NCKAP5: variants seen among roughly 807,000 people sequenced by gnomAD.
The protein encoded by NCKAP5 is NCK associated protein 5, also known as nck-associated protein 5.
A neutral mutation model predicts 167.0 loss-of-function variants in NCKAP5; 92 were observed. The observed-to-expected ratio is 0.55, with a 90% CI of 0.47 to 0.66. The LOEUF (loss-of-function observed/expected upper bound fraction) is 0.66. Among genes scored for constraint, NCKAP5 ranks in the 30% least tolerant of loss-of-function variants. The probability of loss-of-function intolerance (pLI) is 0.00; values close to 1 mark genes in which losing one functional copy is unlikely to be tolerated. For synonymous variants in NCKAP5, 891 were observed against 877.4 expected, an observed-to-expected ratio of 1.02 and a Z score of -0.27; for missense variants, 2,378 against 2,315.0, an observed-to-expected ratio of 1.03 and a Z score of -0.56.
At chr2:133,408,976 G>T (rs1688614414) in intron 3 of NCKAP5, among the ~76,000 whole-genome samples, 1 of 152,158 alleles carries the variant, frequency 6.6e-6, no homozygotes, top group Admixed American at 6.5e-5. Context: ...CTATGAATGA[G>T]GAATAAATGT....
intron 11 of NCKAP5, among the ~76,000 whole-genome samples, chr2:132,810,193 G>T (rs1685755563): frequency 6.6e-6 from 1 of 151,950 alleles, no homozygotes; most frequent in Non-Finnish European, 1.5e-5. Context: ...GTTACCTGGT[G>T]CCTCTTAGGA....
In NCKAP5 at chr2:133,061,253, T is replaced by C. The variant is rs550413318; in HGVS notation, c.342-67014A>G. 2.0e-5 allele frequency among the ~76,000 whole-genome samples: 3 copies of C among 152,284 alleles called. No homozygotes were observed. In the South Asian group the frequency reaches 6.2e-4, roughly 32 times the overall value. ...CAGTGGCAGGGTTTGAGGACTGCAA[T>C]TTTGAAAGAAGTTCTACTGTAGGCA... On this transcript the variant is annotated intron_variant, in intron 6 of 19. Transcript: ENST00000409261.
intron 3 of NCKAP5, among the ~76,000 whole-genome samples, chr2:133,408,202 G>A (rs144659886): frequency 0.02 from 3,013 of 152,262 alleles, 37 homozygotes; most frequent in Non-Finnish European, 0.029. Context: ...ATGATGATGA[G>A]GAGAGGCACA....
At chr2:133,007,457 C>T (rs949972848) in intron 6 of NCKAP5, among the ~76,000 whole-genome samples, 5 of 152,090 alleles carry the variant, frequency 3.3e-5, no homozygotes, top group South Asian at 2.1e-4. Flanking sequence ...GGGTAAAGCA[C>T]CTCTCTCCAA....
intron 6 of NCKAP5, among the ~76,000 whole-genome samples, chr2:133,085,884 T>C (rs2080972765): frequency 6.6e-6 from 1 of 151,916 alleles, no homozygotes; most frequent in African/African-American, 2.4e-5. Context: ...TGAGAAAAGG[T>C]AAAGGAAGCC....
chr2:132,731,953 C>A lies in NCKAP5; in HGVS notation c.5227G>T (p.Asp1743Tyr), dbSNP rs1410538565. 2 of 1,613,892 alleles carry A rather than the reference C, an allele frequency of 1.2e-6. No individual in the cohort carries two copies. The highest frequency in any genetic ancestry group is 1.7e-6 in the Non-Finnish European group (2 of 1,179,866). ...RSTGRYLCQP[D>Y]SPEDAEPLLP... ...AGAGGCTCAGCGTCCTCTGGGGAGT[C>A]TGGCTGGCATAGGTAGCGTCCTGTC... is the stretch of plus-strand genomic sequence containing the variant. The change falls in exon 17 of 20, where the codon GAC (aspartate) becomes TAC (tyrosine). Residue 1743 changes from aspartate to tyrosine, a missense_variant. This residue lies in a region of NCKAP5 where 1,325 missense variants were observed against 1,274.5 expected (regional missense o/e 1.04). Transcript: ENST00000409261.
At chr2:132,678,985 T>C (rs1270459539) in intron 19 of NCKAP5, among the ~76,000 whole-genome samples, 1 of 152,150 alleles carries the variant, frequency 6.6e-6, no homozygotes, top group Non-Finnish European at 1.5e-5. Context: ...CTTCTGGGCG[T>C]CTATTATTGG....
chr2:132,716,581 G>A (rs1037664192), intron 19 of NCKAP5, among the ~76,000 whole-genome samples: 8 of 151,866 alleles, frequency 5.3e-5, no homozygotes, highest in African/African-American at 1.9e-4. Flanking sequence ...AACTTGAGGG[G>A]GGTAACACTG....
intron 8 of NCKAP5, among the ~76,000 whole-genome samples, chr2:132,906,605 G>T (rs2148932940): frequency 6.6e-6 from 1 of 152,292 alleles, no homozygotes; most frequent in South Asian, 2.1e-4. Flanking sequence ...TAGCTTGAGA[G>T]AGCCCAACCT....
intron 6 of NCKAP5, among the ~76,000 whole-genome samples, chr2:133,124,907 G>A (rs1975219): frequency 0.15 from 22,638 of 151,988 alleles, 1,967 homozygotes; most frequent in East Asian, 0.37. Context: ...TTAGCCAGGC[G>A]TGGTGACACG....
At position 133,337,650 on chromosome 2, in the gene NCKAP5, A is replaced by G. The variant is rs146491417; in HGVS notation, c.70-34540T>C. On this transcript the variant is annotated intron_variant, in intron 3 of 19. Transcript: ENST00000409261. ...AGACAAGTGGATGCACAGAAAGATG[A>G]CTGTGTGAACACACAGCAAGAAGGT... is the stretch of plus-strand genomic sequence containing the variant. 8.0e-4 allele frequency among the ~76,000 whole-genome samples: 122 copies of G among 152,304 alleles called. No homozygotes were observed. In the East Asian group the frequency reaches 0.015, roughly 18 times the overall value.
At chr2:132,951,278 G>T (rs923177280) in intron 8 of NCKAP5, among the ~76,000 whole-genome samples, 1 of 152,274 alleles carries the variant, frequency 6.6e-6, no homozygotes, top group East Asian at 1.9e-4. Flanking sequence ...TGTAACTAAG[G>T]CGTTCCAATT....
intron 8 of NCKAP5, among the ~76,000 whole-genome samples, chr2:132,955,764 A>C (rs767588991): frequency 3.7e-4 from 56 of 151,974 alleles, no homozygotes; most frequent in Admixed American, 1.3e-4. Context: ...ACTAATTTAC[A>C]CTCCCAAAAA....
intron 4 of NCKAP5, among the ~76,000 whole-genome samples, chr2:133,294,560 C>A (rs913342994): frequency 6.6e-6 from 1 of 152,200 alleles, no homozygotes; most frequent in Non-Finnish European, 1.5e-5. Context: ...CAAGCAATTT[C>A]TCTCTCTCAA....
intron 19 of NCKAP5, among the ~76,000 whole-genome samples, chr2:132,691,239 T>C (rs1686686239): frequency 6.6e-6 from 1 of 152,170 alleles, no homozygotes; most frequent in Non-Finnish European, 1.5e-5. Flanking sequence ...CACTCTCTCC[T>C]CCTGATAGCC....
At chr2:132,869,585 A>G (rs1690637500) in intron 9 of NCKAP5, among the ~76,000 whole-genome samples, 1 of 152,082 alleles carries the variant, frequency 6.6e-6, no homozygotes, top group East Asian at 1.9e-4. Flanking sequence ...AACAAACCCA[A>G]TCTTTTGGGG....
chr2:132,931,789 C>T (rs1402783499), intron 8 of NCKAP5, among the ~76,000 whole-genome samples: 1 of 151,970 alleles, frequency 6.6e-6, no homozygotes, highest in Admixed American at 6.6e-5. Flanking sequence ...GATTTTTTAC[C>T]CTTTCCAATT....
At chr2:133,648,112 C>A in the NCKAP5 span, among the ~76,000 whole-genome samples, 1,108 of 152,120 alleles carry the variant, frequency 7.3e-3, 14 homozygotes, top group African/African-American at 0.025. Context: ...TCAAAATGGA[C>A]TTTAACTCCA....
At position 132,783,363 on chromosome 2, in the gene NCKAP5, G is replaced by C. The variant is rs1574195483; in HGVS notation, c.3448C>G (p.Leu1150Val). 6.2e-7 allele frequency: 1 copy of C among 1,611,340 alleles called. No homozygotes were observed. Among genetic ancestry groups the C allele is most frequent in the African/African-American group, 1.3e-5 (1 of 74,736 alleles). The change falls in exon 14 of 20, where the codon CTC becomes GTC. Residue 1150 changes from leucine (L) to valine (V), a missense_variant. Physicochemically the swap from Leu to Val is conservative, Grantham distance 32 (BLOSUM62 1). This residue lies in a region of NCKAP5 where 1,325 missense variants were observed against 1,274.5 expected (regional missense o/e 1.04). Coordinates refer to ENST00000409261, the MANE Select transcript of NCKAP5 (RefSeq NM_207363.3). ...KGLKTRLPVG[L>V]KVLMKSPQLL... ...TGGGGAGACTTCATGAGCACTTTGAGTCCCACTGGAAGGCGAGTTTTCAGT... is the reference window on the plus strand; with the variant it reads ...TGGGGAGACTTCATGAGCACTTTGACTCCCACTGGAAGGCGAGTTTTCAGT...
Sources: allele counts gnomAD v4.1 joint callset (sites outside exome capture counted in the v4.1 genomes callset), GRCh38; gene constraint gnomAD v4.1.1; regional missense constraint gnomAD v4.1.1; transcripts MANE v1.5; gene names NCBI Gene and HGNC (gene_info 2026-07-23, HGNC 2026-07-21).